Variants in USP6 observed in about 807,000 individuals in gnomAD.
USP6 encodes the protein ubiquitin carboxyl-terminal hydrolase 6.
In USP6, 128 loss-of-function variants were observed where a neutral mutation model predicts 175.7. The ratio of observed to expected loss-of-function variants is 0.73; its 90% CI spans 0.63 to 0.84. The LOEUF is 0.84. USP6 is among the 40% of genes least tolerant of loss of function. The pLI is 0.00. For missense variants in USP6, 1,498 were observed against 1,760.3 expected (o/e 0.85, Z 2.67); for synonymous variants, 562 against 630.6 (o/e 0.89, Z 1.63).
chr17:5,117,515 C>CAAA (rs59282298), intron 1 of USP6, among the ~76,000 whole-genome samples: 1 of 61,978 alleles, frequency 1.6e-5, no homozygotes, highest in African/African-American at 5.4e-5. Flanking sequence ...GACTCCGTCT[C>CAAA]AAAAAAAAAA....
At chr17:5,116,939 G>C (rs1407539500) in intron 1 of USP6, among the ~76,000 whole-genome samples, 199 bp downstream of exon 1, 2 of 152,230 alleles carry the variant, frequency 1.3e-5, no homozygotes, top group Non-Finnish European at 2.9e-5. Flanking sequence ...ACAGCTCGTG[G>C]AAAGGCCACA....
Position 5,149,275 on chromosome 17 carries a change from C to T in USP6, c.2643+508C>T, listed in dbSNP as rs146733107. Among the ~76,000 whole-genome samples, 77 of 152,150 alleles carry T rather than the reference C, an allele frequency of 5.1e-4. 1 individual carries two copies. The highest frequency in any genetic ancestry group is 1.8e-3 in the African/African-American group (76 of 41,486). On this transcript the variant is annotated intron_variant, in intron 30 of 37. Coordinates refer to ENST00000574788, the MANE Select transcript of USP6 (RefSeq NM_001304284.2). ...AAAATTAGCTGGGCATGGTGGCATG[C>T]GCCTGTAGTTTCAGCTACTTGAGAG...
intron 2 of USP6, among the ~76,000 whole-genome samples, chr17:5,120,325 G>A (rs2072625041): frequency 6.6e-6 from 1 of 152,100 alleles, no homozygotes; most frequent in African/African-American, 2.4e-5. Flanking sequence ...GGTCGCCTGT[G>A]GTCATCCTCC....
At chr17:5,142,626 A>G in intron 25 of USP6, 124 bp downstream of exon 25, 2 of 1,403,532 alleles carry the variant, frequency 1.4e-6, no homozygotes, top group Non-Finnish European at 1.9e-6. Flanking sequence ...TTTACTTGGT[A>G]TAAACAAGAG....
chr17:5,137,644 C>T lies in USP6; in HGVS notation c.826-7C>T, dbSNP rs1479561162. 2 of 1,603,124 alleles carry T rather than the reference C, an allele frequency of 1.2e-6. No homozygotes were observed. Among genetic ancestry groups the T allele is most frequent in the Non-Finnish European group, 1.7e-6 (2 of 1,173,300 alleles). Reference sequence around the variant, plus strand: ...GCCAGGTTCTCTCATACCTGCTGTCCCCACAGATCTCTCTCGGGCTCACCC... The same window carrying T: ...GCCAGGTTCTCTCATACCTGCTGTCTCCACAGATCTCTCTCGGGCTCACCC... On this transcript the variant is annotated splice_region_variant and splice_polypyrimidine_tract_variant and intron_variant, in intron 19 of 37. Coordinates refer to ENST00000574788, the MANE Select transcript of USP6 (RefSeq NM_001304284.2).
At position 5,138,186 on chromosome 17, in the gene USP6, T is replaced by G. The variant is rs768459822; in HGVS notation, c.991T>G (p.Trp331Gly). Reference sequence around the variant, plus strand: ...TCTGCGGAACCAATTCTTCGATACCTGGGCCATGAACGATGACACCGTGCT... The same window carrying G: ...TCTGCGGAACCAATTCTTCGATACCGGGGCCATGAACGATGACACCGTGCT... ...ARLRNQFFDT[W>G]AMNDDTVLKH... The change falls in exon 21 of 38, where the codon TGG becomes GGG. Residue 331 changes from tryptophan to glycine, a missense_variant. Physicochemically the swap from Trp to Gly is radical, Grantham distance 184 (BLOSUM62 -2). Transcript: ENST00000574788. The G allele has an allele frequency of 1.1e-5, 17 of 1,614,064 alleles. No individual in the cohort carries two copies. In the South Asian group the frequency reaches 1.1e-4, roughly 10 times the overall value.
At chr17:5,131,432 CAG>C (rs2073063689) in intron 11 of USP6, among the ~76,000 whole-genome samples, 1 of 150,434 alleles carries the variant, frequency 6.6e-6, no homozygotes, top group Non-Finnish European at 1.5e-5. Flanking sequence ...TTCTGAAACA[CAG>C]GGTGTGTGGC....
At chr17:5,124,132 GCA>G (rs1476880024) in intron 4 of USP6, among the ~76,000 whole-genome samples, 1 of 152,168 alleles carries the variant, frequency 6.6e-6, no homozygotes, top group African/African-American at 2.4e-5. Context: ...GACACTGCAG[GCA>G]CAGTCTGTGC....
At chr17:5,158,184 G>GAGA (rs1567807251) in intron 31 of USP6, among the ~76,000 whole-genome samples, 1 of 152,150 alleles carries the variant, frequency 6.6e-6, no homozygotes. Context: ...GATTTAAATA[G>GAGA]AGAAGATTCC....
intron 7 of USP6, among the ~76,000 whole-genome samples, 170 bp downstream of exon 7, chr17:5,127,809 T>C (rs1484205931): frequency 6.6e-6 from 1 of 152,262 alleles, no homozygotes; most frequent in Non-Finnish European, 1.5e-5. Flanking sequence ...TTATTCATTA[T>C]GTGTAATACA....
In USP6 at chr17:5,170,876, C is replaced by CA; in HGVS notation, c.3916dup (p.Thr1306AsnfsTer4). 1 of 1,612,484 alleles carries CA rather than the reference C, an allele frequency of 6.2e-7. No homozygotes were observed. Among genetic ancestry groups the CA allele is most frequent in the Non-Finnish European group, 8.5e-7 (1 of 1,179,864 alleles). Reference sequence around the variant, plus strand: ...ACAGCACTGATGACCAAAGAGAAGACACTCATATTAAGCCTATTTATAATC... The same window carrying CA: ...ACAGCACTGATGACCAAAGAGAAGACAACTCATATTAAGCCTATTTATAATC... On this transcript the variant is annotated frameshift_variant, in exon 36 of 38. Transcript: ENST00000574788. LOFTEE classifies it high-confidence loss of function.
rs776187609 is a variant in USP6, at chr17:5,132,416, T to C, written c.176T>C (p.Val59Ala). ...GILHETELPP[V>A]TAREAKKIRR... Reference sequence around the variant, plus strand: ...TACAGTGAGACGGAGCTGCCTCCTGTGACTGCACGGGAGGCGAAGGTAAGA... The same window carrying C: ...TACAGTGAGACGGAGCTGCCTCCTGCGACTGCACGGGAGGCGAAGGTAAGA... Residue 59 changes from valine to alanine, a missense_variant, in exon 12 of 38, where the codon GTG (valine) becomes GCG (alanine). By Grantham distance (64) the Val-to-Ala change is moderately conservative. Around this residue, in one of 2 missense-constraint regions of USP6, gnomAD observed 281 missense variants for 259.6 expected, o/e 1.08. Transcript: ENST00000574788. The surrounding 1 kb of genome is among the most constrained non-coding windows in gnomAD (Gnocchi z 4.7). 7 of 1,611,908 alleles carry C rather than the reference T, an allele frequency of 4.3e-6. No homozygotes were observed. In the Admixed American group the frequency reaches 1.2e-4, roughly 27 times the overall value.
intron 25 of USP6, among the ~76,000 whole-genome samples, chr17:5,143,617 C>G (rs1317261060): frequency 6.6e-6 from 1 of 151,946 alleles, no homozygotes; most frequent in Non-Finnish European, 1.5e-5. Flanking sequence ...ACAAACACTG[C>G]GGAGGGCCGC....
At position 5,136,045 on chromosome 17, in the gene USP6, C is replaced by A; in HGVS notation, c.664+117C>A. 4.5e-6 allele frequency: 7 copies of A among 1,542,492 alleles called. 1 individual carries two copies. In the South Asian group the frequency reaches 8.4e-5, roughly 19 times the overall value. The stretch of plus-strand genomic sequence containing the variant: ...CCTTGTGTTGCCAGCTTGTTGGGAG[C>A]ATTTAGGACGTCTCTGCTGAGGGTC... On this transcript the variant is annotated intron_variant, in intron 17 of 37. Transcript: ENST00000574788.
At chr17:5,170,359 G>A in intron 35 of USP6, 120 bp from the exon 36 acceptor site, 1 of 1,441,996 alleles carries the variant, frequency 6.9e-7, no homozygotes, top group East Asian at 2.3e-5. Context: ...AGCCAGTCAT[G>A]ACTCCCCTGT....
chr17:5,130,289 G>C (rs2073021099), intron 9 of USP6, 78 bp from the exon 10 acceptor site: 1 of 1,458,980 alleles, frequency 6.9e-7, no homozygotes, highest in Admixed American at 1.7e-5. Flanking sequence ...CCAGCATCTG[G>C]GAGCCCGGTG....
rs1044056323 is a variant in USP6, at chr17:5,167,428, A to G, written c.3037-504A>G. On this transcript the variant is annotated intron_variant, in intron 33 of 37. Coordinates refer to ENST00000574788, the MANE Select transcript of USP6 (RefSeq NM_001304284.2). ...AAAAGTTATGGTCATATAAACAGAA[A>G]TTTTATCCAGAATGTTACTGATGTA... Among the ~76,000 whole-genome samples the G allele has an allele frequency of 1.8e-4, 28 of 152,258 alleles. 1 individual carries two copies. The highest frequency in any genetic ancestry group is 1.7e-3 in the Admixed American group (26 of 15,290).
intron 37 of USP6, 142 bp from the exon 38 acceptor site, chr17:5,172,663 C>G (rs187120175): frequency 6.5e-6 from 7 of 1,083,436 alleles, no homozygotes; most frequent in African/African-American, 4.8e-5. Flanking sequence ...TTTAAAGGGG[C>G]AGGTGTGAGA....
chr17:5,133,280 C>T (rs1239918093), intron 13 of USP6, among the ~76,000 whole-genome samples, 163 bp from the exon 14 acceptor site: 3 of 152,064 alleles, frequency 2.0e-5, no homozygotes, highest in Non-Finnish European at 2.9e-5. Context: ...TCTGAGTGTC[C>T]ATCCACTCTT....
Sources: allele counts gnomAD v4.1 joint callset (sites outside exome capture counted in the v4.1 genomes callset), GRCh38; gene constraint gnomAD v4.1.1; regional missense constraint gnomAD v4.1.1; non-coding constraint Gnocchi (gnomAD v3.1); transcripts MANE v1.5; gene names NCBI Gene and HGNC (gene_info 2026-07-23, HGNC 2026-07-21).